The following SORCS1 variants were observed in gnomAD, a reference collection of about 807,000 sequenced individuals.
The protein encoded by SORCS1 is VPS10 domain-containing receptor SorCS1.
In SORCS1, 60 loss-of-function variants were observed where a neutral mutation model predicts 146.1. The ratio of observed to expected loss-of-function variants is 0.41; its 90% CI spans 0.33 to 0.51. SORCS1 has a LOEUF of 0.51. Among genes scored for constraint, SORCS1 ranks in the 20% least tolerant of loss-of-function variants. SORCS1 has a pLI of 0.21. For missense variants in SORCS1, 1,352 were observed against 1,487.6 expected, an observed-to-expected ratio of 0.91 and a Z score of 1.50; for synonymous variants, 637 against 584.0, an observed-to-expected ratio of 1.09 and a Z score of -1.31.
intron 1 of SORCS1, 86 bp downstream of exon 1, chr10:107,163,883 T>A: frequency 7.0e-7 from 1 of 1,435,866 alleles, no homozygotes; most frequent in Non-Finnish European, 9.4e-7. Flanking sequence ...AAACCCTATT[T>A]CCCCCCAATT....
At chr10:106,916,428 A>G (rs1008230072) in intron 2 of SORCS1, among the ~76,000 whole-genome samples, 16 of 150,220 alleles carry the variant, frequency 1.1e-4, no homozygotes, top group Non-Finnish European at 2.1e-4. Context: ...GGGGGTATAC[A>G]CATACACACG....
intron 5 of SORCS1, among the ~76,000 whole-genome samples, chr10:106,744,151 C>A (rs1857553008): frequency 1.3e-5 from 2 of 152,148 alleles, no homozygotes; most frequent in South Asian, 4.1e-4. Context: ...GTCACCCAGG[C>A]TGGAGTGCAG....
At chr10:106,757,303 T>C (rs886974512) in intron 5 of SORCS1, among the ~76,000 whole-genome samples, 2 of 152,108 alleles carry the variant, frequency 1.3e-5, no homozygotes, top group African/African-American at 4.8e-5. Flanking sequence ...CATGGTAACT[T>C]AACAATTTGA....
At chr10:107,125,755 G>A (rs1966677768) in intron 1 of SORCS1, among the ~76,000 whole-genome samples, 2 of 152,188 alleles carry the variant, frequency 1.3e-5, no homozygotes, top group African/African-American at 4.8e-5. Flanking sequence ...GAATCATTCA[G>A]TTCTTTTTTT....
At chr10:106,699,493 G>A in intron 8 of SORCS1, 100 bp from the exon 9 acceptor site, 3 of 1,037,266 alleles carry the variant, frequency 2.9e-6, no homozygotes, top group South Asian at 1.9e-5. Context: ...ATACCAGAAT[G>A]AGCACTTTAA....
At chr10:106,910,584 C>T (rs930425166) in intron 2 of SORCS1, among the ~76,000 whole-genome samples, 13 of 152,094 alleles carry the variant, frequency 8.5e-5, no homozygotes, top group Admixed American at 2.0e-4. Context: ...ATATAACCGT[C>T]GCTCACAGAA....
At chr10:106,854,342 T>C (rs1465884607) in intron 2 of SORCS1, among the ~76,000 whole-genome samples, 1 of 152,076 alleles carries the variant, frequency 6.6e-6, no homozygotes, top group Non-Finnish European at 1.5e-5. Context: ...AATGTATCTT[T>C]GTCTTTGAAG....
intron 1 of SORCS1, among the ~76,000 whole-genome samples, chr10:107,020,833 C>G (rs1391052591): frequency 2.6e-5 from 4 of 152,132 alleles, no homozygotes; most frequent in Admixed American, 2.6e-4. Flanking sequence ...ACTTTCTAAG[C>G]AAAATATTTT....
At chr10:107,086,507 T>G (rs889888462) in intron 1 of SORCS1, among the ~76,000 whole-genome samples, 1 of 152,258 alleles carries the variant, frequency 6.6e-6, no homozygotes, top group Admixed American at 6.5e-5. Context: ...GACCATTAAT[T>G]AGGAATCAAG....
intron 1 of SORCS1, among the ~76,000 whole-genome samples, chr10:107,130,022 A>G (rs1966850738): frequency 6.6e-6 from 1 of 152,248 alleles, no homozygotes; most frequent in Non-Finnish European, 1.5e-5. Context: ...AATATGTCCA[A>G]GTTTTCTATA....
intron 2 of SORCS1, among the ~76,000 whole-genome samples, chr10:106,918,483 G>A (rs1035031426): frequency 7.2e-5 from 11 of 152,016 alleles, no homozygotes; most frequent in Non-Finnish European, 1.2e-4. Context: ...TCTTAATAGC[G>A]AATATCCTGG....
At chr10:106,581,562 G>GTA (rs1050493024) in intron 24 of SORCS1, among the ~76,000 whole-genome samples, 9 of 152,006 alleles carry the variant, frequency 5.9e-5, no homozygotes, top group East Asian at 1.9e-4. Context: ...ATGCATATGT[G>GTA]TATATATATG....
intron 1 of SORCS1, among the ~76,000 whole-genome samples, chr10:107,065,011 T>A (rs1476653535): frequency 6.6e-6 from 1 of 152,136 alleles, no homozygotes; most frequent in Admixed American, 6.5e-5. Context: ...TGGGAACAGC[T>A]GGAACTATGA....
At chr10:106,876,675 C>G (rs1293465316) in intron 2 of SORCS1, among the ~76,000 whole-genome samples, 1 of 152,192 alleles carries the variant, frequency 6.6e-6, no homozygotes, top group Non-Finnish European at 1.5e-5. Flanking sequence ...GCCTAATTTT[C>G]TCAAAATGAG....
chr10:106,588,632 T>C (rs756934130), intron 24 of SORCS1, among the ~76,000 whole-genome samples: 4 of 151,578 alleles, frequency 2.6e-5, no homozygotes, highest in South Asian at 4.2e-4. Context: ...GAGGCCAAGG[T>C]GGGCAGATCA....
intron 2 of SORCS1, among the ~76,000 whole-genome samples, chr10:106,892,273 C>T (rs1335817281): frequency 6.6e-6 from 1 of 152,234 alleles, no homozygotes; most frequent in Admixed American, 6.5e-5. Flanking sequence ...ATTGCAACTG[C>T]AATCCACTTG....
chr10:106,665,351 C>T (rs1851045811), intron 17 of SORCS1, among the ~76,000 whole-genome samples: 1 of 150,620 alleles, frequency 6.6e-6, no homozygotes. Context: ...CTTACTTCTC[C>T]TTTCTCCTTC....
intron 18 of SORCS1, among the ~76,000 whole-genome samples, chr10:106,633,407 C>T (rs546395915): frequency 4.6e-5 from 7 of 152,162 alleles, no homozygotes; most frequent in South Asian, 2.1e-4. Flanking sequence ...ATAGAATATT[C>T]GAATTTATTC....
At chr10:107,034,693 A>AACAAAC (rs1958814629) in intron 1 of SORCS1, among the ~76,000 whole-genome samples, 1 of 145,490 alleles carries the variant, frequency 6.9e-6, no homozygotes. Context: ...AAAAAAAAAA[A>AACAAAC]AAAAAAAAAA....
Sources: gnomAD v4.1 joint callset for allele counts (sites outside exome capture counted in the v4.1 genomes callset) on GRCh38, gnomAD v4.1.1 for gene constraint, MANE v1.5 for transcripts, NCBI Gene and HGNC (gene_info 2026-07-23, HGNC 2026-07-21) for gene names.